Variants in KCNK13 observed in about 807,000 individuals in gnomAD.
KCNK13 encodes the protein potassium channel subfamily K member 13.
In KCNK13, 12 loss-of-function variants were observed where a neutral mutation model predicts 23.4. The ratio of observed to expected loss-of-function variants is 0.51; its 90% CI spans 0.33 to 0.83. The LOEUF (loss-of-function observed/expected upper bound fraction) is 0.83, where lower values mean the gene tolerates loss of function less well. Among genes scored for constraint, KCNK13 ranks in the 40% least tolerant of loss-of-function variants. KCNK13 has a pLI of 0.02. For missense variants in KCNK13, 463 were observed against 556.3 expected (o/e 0.83, Z 1.69); for synonymous variants, 231 against 229.5 (o/e 1.01, Z -0.06).
intron 1 of KCNK13, among the ~76,000 whole-genome samples, chr14:90,111,546 G>A (rs1337583572): frequency 6.6e-6 from 1 of 152,058 alleles, no homozygotes; most frequent in African/African-American, 2.4e-5. Flanking sequence ...CAGTGGGAGA[G>A]GACAGTATGG....
chr14:90,114,775 A>T (rs1218663960), intron 1 of KCNK13, among the ~76,000 whole-genome samples: 3 of 151,934 alleles, frequency 2.0e-5, no homozygotes, highest in Non-Finnish European at 4.4e-5. Flanking sequence ...TGAGAGTGAG[A>T]CCTAGGTTGT....
intron 1 of KCNK13, among the ~76,000 whole-genome samples, chr14:90,071,540 T>C (rs1000148630): frequency 6.6e-6 from 1 of 152,208 alleles, no homozygotes; most frequent in African/African-American, 2.4e-5. Context: ...ACTTCACTTC[T>C]GCAACATCAT....
rs79826581 is a variant in KCNK13 at position 90,077,740 on chromosome 14, T to C, written c.334+15201T>C. Among the ~76,000 whole-genome samples the C allele has an allele frequency of 5.3e-5, 8 of 152,354 alleles. No homozygotes were observed. The East Asian group carries it at 1.5e-3, about 29-fold the overall frequency. On this transcript the variant is annotated intron_variant, in intron 1 of 1. Coordinates refer to ENST00000282146, the MANE Select transcript of KCNK13 (RefSeq NM_022054.4). ...TATTCTCCTGCTGCCATCCTTTTTA[T>C]TATCATGTGATAGTTATTGATAGTA...
Position 90,184,283 on chromosome 14 carries a change from G to C in KCNK13, c.507G>C (p.Gly169=). 6.2e-7 allele frequency: 1 copy of C among 1,614,226 alleles called. No homozygotes were observed. The change falls in exon 2 of 2, where the codon GGG becomes GGC. Residue 169 remains glycine (G), a synonymous_variant. Transcript: ENST00000282146. The surrounding 1 kb of genome is among the most constrained non-coding windows in gnomAD (Gnocchi z 5.6). ...SCHQRQLRRR[G]ALPQESLKDA... is the part of the protein sequence containing the mutation. ...ACCAGCGGCAGCTCCGGAGACGAGG[G>C]GCCCTGCCCCAGGAGAGCCTGAAGG...
intron 1 of KCNK13, among the ~76,000 whole-genome samples, chr14:90,136,247 A>T (rs950727333): frequency 3.3e-5 from 5 of 152,236 alleles, no homozygotes; most frequent in Admixed American, 3.3e-4. Flanking sequence ...TGCAGATGAA[A>T]TGGATGGAGT....
rs1282830842 is a variant in KCNK13 at position 90,184,920 on chromosome 14, G to T, written c.1144G>T (p.Ala382Ser). ...NGCPHQTSTL[A>S]RDNEFSGGVG... Reference sequence around the variant, plus strand: ...CTGCCCCCACCAGACCAGCACACTGGCCCGGGACAATGAATTCTCAGGGGG... The same window carrying T: ...CTGCCCCCACCAGACCAGCACACTGTCCCGGGACAATGAATTCTCAGGGGG... The change falls in exon 2 of 2, where the codon GCC (alanine) becomes TCC (serine). Residue 382 changes from alanine to serine, a missense_variant. Transcript: ENST00000282146. The surrounding 1 kb of genome is among the most constrained non-coding windows in gnomAD (Gnocchi z 5.6). 1.2e-6 allele frequency: 2 copies of T among 1,613,236 alleles called. No homozygotes were observed. Among genetic ancestry groups the T allele is most frequent in the African/African-American group, 2.7e-5 (2 of 74,944 alleles).
At chr14:90,078,247 C>T (rs57893931) in intron 1 of KCNK13, among the ~76,000 whole-genome samples, 20,173 of 151,948 alleles carry the variant, frequency 0.13, 1,636 homozygotes, top group South Asian at 0.26. Flanking sequence ...TGGCGAAACC[C>T]GGTCTCCACT....
intron 1 of KCNK13, among the ~76,000 whole-genome samples, chr14:90,096,240 G>T (rs1047998644): frequency 6.6e-6 from 1 of 152,130 alleles, no homozygotes; most frequent in African/African-American, 2.4e-5. Flanking sequence ...CTCCCTGGAG[G>T]TTGCGGTGTG....
At chr14:90,065,551 A>C (rs1888997762) in intron 1 of KCNK13, among the ~76,000 whole-genome samples, 1 of 152,238 alleles carries the variant, frequency 6.6e-6, no homozygotes. Context: ...CACAGTGGGC[A>C]ACTGGTACCT....
Position 90,184,032 on chromosome 14 carries a change from C to A in KCNK13, c.335-79C>A. ...TATGAAACTCTCTTTAGGTCCTTTGCCAGCCATCAAAGCCAAGACCTAGAC... is the reference window on the plus strand; with the variant it reads ...TATGAAACTCTCTTTAGGTCCTTTGACAGCCATCAAAGCCAAGACCTAGAC... On this transcript the variant is annotated intron_variant, in intron 1 of 1. Coordinates refer to ENST00000282146, the MANE Select transcript of KCNK13 (RefSeq NM_022054.4). This position sits in a 1 kb window ranked among gnomAD's most constrained non-coding sequence, Gnocchi z 5.6. 7.8e-7 allele frequency: 1 copy of A among 1,286,264 alleles called. No individual in the cohort carries two copies. The highest frequency in any genetic ancestry group is 1.1e-6 in the Non-Finnish European group (1 of 920,018). The allele number at this position is 1,286,264 out of a possible 1,614,324, so 79.7% of individuals were successfully genotyped here.
chr14:90,121,945 G>A (rs1054551612), intron 1 of KCNK13, among the ~76,000 whole-genome samples: 11 of 151,876 alleles, frequency 7.2e-5, no homozygotes, highest in South Asian at 2.1e-4. Context: ...ATCTCGAACC[G>A]CTGACCTCAA....
intron 1 of KCNK13, among the ~76,000 whole-genome samples, chr14:90,101,790 C>CGAAAAAAAAAAA (rs1555402342): frequency 1.8e-5 from 1 of 55,584 alleles, no homozygotes; most frequent in East Asian, 4.5e-4. Flanking sequence ...ACTCCGTCTC[C>CGAAAAAAAAAAA]AAAAAAAAAA....
At chr14:90,146,315 T>C (rs1259559694) in intron 1 of KCNK13, among the ~76,000 whole-genome samples, 1 of 152,116 alleles carries the variant, frequency 6.6e-6, no homozygotes, top group Non-Finnish European at 1.5e-5. Context: ...TGGGTTAATG[T>C]GGAATATCTT....
At chr14:90,108,350 C>G (rs191460354) in intron 1 of KCNK13, among the ~76,000 whole-genome samples, 1 of 152,304 alleles carries the variant, frequency 6.6e-6, no homozygotes, top group Admixed American at 6.5e-5. Flanking sequence ...TATGTTTCTA[C>G]AGACTCCTTC....
intron 1 of KCNK13, among the ~76,000 whole-genome samples, chr14:90,129,317 C>A (rs1889839726): frequency 6.6e-6 from 1 of 152,150 alleles, no homozygotes; most frequent in Admixed American, 6.5e-5. Context: ...ATAGTGAACA[C>A]TCTTGGCAGA....
chr14:90,070,870 A>G (rs2140388966), intron 1 of KCNK13, among the ~76,000 whole-genome samples: 1 of 152,306 alleles, frequency 6.6e-6, no homozygotes, highest in South Asian at 2.1e-4. Flanking sequence ...TCCACTCAGG[A>G]TAGGGTGAGA....
chr14:90,152,874 A>G (rs56398840), intron 1 of KCNK13, among the ~76,000 whole-genome samples: 9,855 of 152,110 alleles, frequency 0.065, 407 homozygotes, highest in South Asian at 0.21. Flanking sequence ...GTTTCATTCT[A>G]TGGGTTTCTG....
chr14:90,140,352 C>T (rs1596795415), intron 1 of KCNK13, among the ~76,000 whole-genome samples: 2 of 152,190 alleles, frequency 1.3e-5, no homozygotes, highest in East Asian at 3.9e-4. Context: ...GCATCAAAAA[C>T]ATTCTGGTTC....
rs1889565936 is a variant in KCNK13, at chr14:90,107,896, T to C, written c.334+45357T>C. The C allele has an allele frequency of 1.2e-5, 9 of 779,094 alleles. No individual in the cohort carries two copies. In the South Asian group the frequency reaches 1.2e-4, roughly 10 times the overall value. The allele number at this position is 779,094 out of a possible 1,614,324, so 48.3% of individuals were successfully genotyped here. ...GAGCAAGAATGGGGCCTTGAGTCTTTATCAGTAAAGATTGTATAGGCAGAT... is the reference window on the plus strand; with the variant it reads ...GAGCAAGAATGGGGCCTTGAGTCTTCATCAGTAAAGATTGTATAGGCAGAT... On this transcript the variant is annotated intron_variant, in intron 1 of 1. Coordinates refer to ENST00000282146, the MANE Select transcript of KCNK13 (RefSeq NM_022054.4).
Sources: allele counts gnomAD v4.1 joint callset (sites outside exome capture counted in the v4.1 genomes callset), GRCh38; gene constraint gnomAD v4.1.1; non-coding constraint Gnocchi (gnomAD v3.1); transcripts MANE v1.5; gene names NCBI Gene and HGNC (gene_info 2026-07-23, HGNC 2026-07-21).